Variants in ZC4H2 observed in about 807,000 individuals in gnomAD.
The protein encoded by ZC4H2 is zinc finger C4H2-type containing, also known as zinc finger C4H2 domain-containing protein.
For missense variants in ZC4H2, 137 were observed against 173.9 expected, an observed-to-expected ratio of 0.79 and a Z score of 1.19; for synonymous variants, 84 against 66.3, an observed-to-expected ratio of 1.27 and a Z score of -1.30.
At chrX:65,020,764 C>T (rs1282121904) in intron 1 of ZC4H2, among the ~76,000 whole-genome samples, 4 of 111,689 alleles carry the variant, frequency 3.6e-5, no homozygotes, top group East Asian at 2.8e-4. Flanking sequence ...CAAGTCCCAT[C>T]GAAGTGCTGT....
chrX:64,918,377 T>C (rs1221624052), intron 4 of ZC4H2: 1 of 115,143 alleles, frequency 8.7e-6, no homozygotes, highest in African/African-American at 3.2e-5. Context: ...CAGACATGCA[T>C]GTGGGCCAAT....
chrX:64,991,452 T>C (rs994199376), intron 1 of ZC4H2, among the ~76,000 whole-genome samples: 2 of 111,661 alleles, frequency 1.8e-5, no homozygotes, highest in African/African-American at 6.5e-5. Flanking sequence ...GGTGCGAGCC[T>C]GTAAATCCAA....
At chrX:64,954,886 G>T (rs1931092951) in intron 1 of ZC4H2, among the ~76,000 whole-genome samples, 1 of 111,515 alleles carries the variant, frequency 9.0e-6, no homozygotes. Context: ...CACGGTCTAA[G>T]TCAAATTACC....
chrX:64,971,195 C>T (rs1347883636), intron 1 of ZC4H2, among the ~76,000 whole-genome samples: 1 of 112,220 alleles, frequency 8.9e-6, no homozygotes, highest in East Asian at 2.8e-4. Context: ...GATTGTCATA[C>T]ACAATGAAAA....
At chrX:64,951,095 T>C (rs1357602197) in intron 1 of ZC4H2, among the ~76,000 whole-genome samples, 1 of 111,585 alleles carries the variant, frequency 9.0e-6, no homozygotes, top group Admixed American at 9.6e-5. Flanking sequence ...CTGAGAATGA[T>C]GATTTCCAAT....
At chrX:65,029,724 A>G (rs979931311) in intron 1 of ZC4H2, among the ~76,000 whole-genome samples, 10 of 111,355 alleles carry the variant, frequency 9.0e-5, no homozygotes, top group Non-Finnish European at 1.5e-4. Flanking sequence ...ATAATATGGG[A>G]GCAGATGCAG....
At chrX:64,943,529 T>C (rs1310139922) in intron 1 of ZC4H2, among the ~76,000 whole-genome samples, 1 of 111,945 alleles carries the variant, frequency 8.9e-6, no homozygotes, top group Non-Finnish European at 1.9e-5. Context: ...ATTGGGTGCA[T>C]ATATATTTAG....
At chrX:64,939,168 T>C (rs1337600005) in intron 1 of ZC4H2, among the ~76,000 whole-genome samples, 2 of 111,933 alleles carry the variant, frequency 1.8e-5, no homozygotes, top group African/African-American at 3.2e-5. Context: ...AGCCAAATCA[T>C]GAGTGAACTC....
chrX:64,998,886 AATTG>A (rs1932469479), intron 1 of ZC4H2, among the ~76,000 whole-genome samples: 1 of 109,332 alleles, frequency 9.1e-6, no homozygotes, highest in Non-Finnish European at 1.9e-5. Context: ...CATTTTTTTA[AATTG>A]ATTTTGTCTG....
intron 3 of ZC4H2, 162 bp from the exon 4 acceptor site, chrX:64,919,366 C>A: frequency 1.9e-6 from 1 of 513,551 alleles, no homozygotes; most frequent in Non-Finnish European, 3.1e-6. Context: ...GTACTAGGCC[C>A]AATGTCTGAT....
At chrX:64,960,100 G>A (rs936550723) in intron 1 of ZC4H2, among the ~76,000 whole-genome samples, 9 of 110,917 alleles carry the variant, frequency 8.1e-5, no homozygotes, top group African/African-American at 2.0e-4. Context: ...GAAAGGCTTA[G>A]ATGAGCCCTA....
chrX:64,921,932 G>A lies in ZC4H2; in HGVS notation c.110C>T (p.Ala37Val). Reference protein sequence around the residue: ...IKARLKAEFEALESEERHLKE... With the variant: ...IKARLKAEFEVLESEERHLKE... The stretch of plus-strand genomic sequence containing the variant: ...CAGGTGCCTTTCCTCTGACTCAAGT[G>A]CCTCAAACTCAGCCTTCAAACGAGC... Residue 37 changes from alanine (A) to valine (V), a missense_variant, in exon 2 of 5, where the codon GCA becomes GTA. By Grantham distance (64) the Ala-to-Val change is moderately conservative (BLOSUM62 0). Coordinates refer to ENST00000374839, the MANE Select transcript of ZC4H2 (RefSeq NM_018684.4). 8.3e-7 allele frequency: 1 copy of A among 1,210,946 alleles called. No homozygotes were observed. Among genetic ancestry groups the A allele is most frequent in the Non-Finnish European group, 1.1e-6 (1 of 895,402 alleles).
At chrX:64,921,445 G>T (rs551166629) in intron 2 of ZC4H2, among the ~76,000 whole-genome samples, 1 of 112,003 alleles carries the variant, frequency 8.9e-6, no homozygotes, top group Non-Finnish European at 1.9e-5. Flanking sequence ...CTGACTGAAA[G>T]CTTGGAGTGC....
intron 1 of ZC4H2, among the ~76,000 whole-genome samples, chrX:64,988,753 T>G (rs940239475): frequency 2.0e-4 from 22 of 111,535 alleles, no homozygotes; most frequent in Non-Finnish European, 1.9e-4. Flanking sequence ...AATTTTGGCT[T>G]TTGTTGCCAT....
chrX:64,937,111 G>T (rs1930048975), intron 1 of ZC4H2, among the ~76,000 whole-genome samples: 1 of 110,579 alleles, frequency 9.0e-6, no homozygotes, highest in African/African-American at 3.3e-5. Flanking sequence ...AAAAAAGCTG[G>T]GGTTGCAATC....
At chrX:65,023,160 A>G (rs1459053457) in intron 1 of ZC4H2, among the ~76,000 whole-genome samples, 1 of 111,501 alleles carries the variant, frequency 9.0e-6, no homozygotes, top group African/African-American at 3.3e-5. Flanking sequence ...TTGGTTCCAT[A>G]TGAAATTTAA....
intron 1 of ZC4H2, among the ~76,000 whole-genome samples, chrX:64,943,583 T>G (rs1930390095): frequency 1.1e-5 from 1 of 90,691 alleles, no homozygotes; most frequent in African/African-American, 9.8e-5. Context: ...TTCCATCATG[T>G]AATATCCTTC....
chrX:64,968,268 GAAGTA>G (rs1015220759), intron 1 of ZC4H2, among the ~76,000 whole-genome samples: 2 of 111,776 alleles, frequency 1.8e-5, no homozygotes, highest in African/African-American at 3.3e-5. Context: ...GAGGCTGAGA[GAAGTA>G]AAGTGACTTG....
intron 1 of ZC4H2, among the ~76,000 whole-genome samples, chrX:64,935,143 G>A (rs1476179351): frequency 9.0e-6 from 1 of 111,448 alleles, no homozygotes; most frequent in African/African-American, 3.3e-5. Context: ...TTTGGTGGGA[G>A]GAGGGGCGTC....
Sources: allele counts gnomAD v4.1 joint callset (sites outside exome capture counted in the v4.1 genomes callset), GRCh38; gene constraint gnomAD v4.1.1; transcripts MANE v1.5; gene names NCBI Gene and HGNC (gene_info 2026-07-23, HGNC 2026-07-21).